Variants in RAB7B observed in about 807,000 individuals in gnomAD.
The protein encoded by RAB7B is RAB7B, member RAS oncogene family.
rs1571798799 is a variant in RAB7B at position 205,995,094 on chromosome 1, C to T, written c.-16-943G>A. 2.0e-5 allele frequency among the ~76,000 whole-genome samples: 3 copies of T among 152,184 alleles called. No homozygotes were observed. The East Asian group carries it at 5.8e-4, about 29-fold the overall frequency. On this transcript the variant is annotated intron_variant, in intron 1 of 5. Transcript: ENST00000617070. ...TGGACACAGGAAGGGGAACATCACA[C>T]ACCGGGGCCTGTCACGGGGTGGGGG...
intron 4 of RAB7B, among the ~76,000 whole-genome samples, chr1:205,988,218 A>ATGTG (rs1335243897): frequency 9.3e-5 from 13 of 140,294 alleles, no homozygotes; most frequent in African/African-American, 3.4e-4. Flanking sequence ...TGATGTATGT[A>ATGTG]TGTGTGTGTG....
chr1:205,980,915 T>G, intron 5 of RAB7B, among the ~76,000 whole-genome samples: 1 of 145,772 alleles, frequency 6.9e-6, no homozygotes, highest in Admixed American at 6.8e-5. Context: ...CTTTCTTCCT[T>G]TCTTTGACAG....
chr1:205,990,856 C>CG (rs1487604598), intron 4 of RAB7B, among the ~76,000 whole-genome samples: 2 of 144,404 alleles, frequency 1.4e-5, no homozygotes, highest in African/African-American at 5.2e-5. Context: ...GGTGCGATCG[C>CG]GGCTCACTGC....
chr1:205,993,097 A>G (rs1660752268), intron 3 of RAB7B, among the ~76,000 whole-genome samples: 1 of 152,166 alleles, frequency 6.6e-6, no homozygotes, highest in East Asian at 1.9e-4. Flanking sequence ...TAGATCAGGC[A>G]TCAGCATTTT....
intron 5 of RAB7B, among the ~76,000 whole-genome samples, chr1:205,980,642 C>T (rs1049109152): frequency 2.5e-4 from 38 of 152,338 alleles, no homozygotes; most frequent in African/African-American, 8.4e-4. Flanking sequence ...TGTAAAGCTG[C>T]TGTGATTCAC....
intron 4 of RAB7B, among the ~76,000 whole-genome samples, chr1:205,990,561 G>A (rs1421681544): frequency 1.3e-5 from 2 of 152,104 alleles, no homozygotes; most frequent in East Asian, 3.9e-4. Flanking sequence ...CAACAGGCTG[G>A]GGCTGGCTAA....
chr1:205,985,445 C>T (rs1306149746), intron 5 of RAB7B, 95 bp downstream of exon 5: 17 of 397,606 alleles, frequency 4.3e-5, no homozygotes, highest in Non-Finnish European at 7.5e-5. Flanking sequence ...CACCCACATC[C>T]CTGCCCACAC....
chr1:205,999,777 G>A, intron 1 of RAB7B, among the ~76,000 whole-genome samples: 1 of 152,132 alleles, frequency 6.6e-6, no homozygotes, highest in Non-Finnish European at 1.5e-5. Context: ...TTATTTATCT[G>A]TCTATTTAGA....
chr1:205,987,842 T>G (rs1442527707), intron 4 of RAB7B, among the ~76,000 whole-genome samples: 3 of 152,234 alleles, frequency 2.0e-5, no homozygotes, highest in Non-Finnish European at 4.4e-5. Context: ...ATGCCTGTTT[T>G]TACTGTGGTA....
intron 5 of RAB7B, among the ~76,000 whole-genome samples, chr1:205,980,879 C>A (rs1211122609): frequency 1.4e-5 from 2 of 142,994 alleles, no homozygotes; most frequent in African/African-American, 5.2e-5. Flanking sequence ...CCCCCTTCCC[C>A]TTCACCTCCT....
Position 205,977,546 on chromosome 1 carries a change from C to G in RAB7B, c.*1305G>C, listed in dbSNP as rs1267773000. ...CCTTCATGAGCATCCACTTTCTGCT[C>G]AGCCTGGAAGAGAAGGAGCACTGCT... On this transcript the variant is annotated 3_prime_UTR_variant, in exon 6 of 6. Transcript: ENST00000617070. The G allele has an allele frequency of 6.6e-6, 1 of 152,222 alleles. No homozygotes were observed. Among genetic ancestry groups the G allele is most frequent in the Admixed American group, 6.5e-5 (1 of 15,286 alleles). The allele number at this position is 152,222 out of a possible 1,614,324, so 9.4% of individuals were successfully genotyped here.
chr1:205,986,819 G>A (rs1660616512), intron 4 of RAB7B, among the ~76,000 whole-genome samples: 1 of 152,102 alleles, frequency 6.6e-6, no homozygotes, highest in Admixed American at 6.5e-5. Context: ...TCTTTCTCAT[G>A]GAGAAAGGAC....
intron 1 of RAB7B, among the ~76,000 whole-genome samples, chr1:206,001,220 A>G (rs1392324091): frequency 5.9e-5 from 9 of 151,292 alleles, no homozygotes; most frequent in Non-Finnish European, 1.0e-4. Context: ...CGCAGATCTC[A>G]TACAGTGGTT....
intron 3 of RAB7B, among the ~76,000 whole-genome samples, 174 bp from the exon 4 acceptor site, chr1:205,992,869 C>A (rs963923996): frequency 6.6e-6 from 1 of 152,230 alleles, no homozygotes; most frequent in South Asian, 2.1e-4. Context: ...ACATACACTC[C>A]AGCACCTTTG....
chr1:205,993,049 G>A (rs1442233484), intron 3 of RAB7B, among the ~76,000 whole-genome samples: 10 of 152,218 alleles, frequency 6.6e-5, no homozygotes, highest in South Asian at 2.1e-4. Flanking sequence ...GAGACTAGGC[G>A]TGGGGTCTCT....
chr1:205,980,099 G>A (rs1175292515), intron 5 of RAB7B, among the ~76,000 whole-genome samples: 1 of 152,190 alleles, frequency 6.6e-6, no homozygotes, highest in Non-Finnish European at 1.5e-5. Flanking sequence ...CCCCCAGACT[G>A]AGCAGTAATG....
At chr1:205,990,739 G>T (rs1005680890) in intron 4 of RAB7B, among the ~76,000 whole-genome samples, 8 of 151,862 alleles carry the variant, frequency 5.3e-5, no homozygotes, top group South Asian at 4.2e-4. Context: ...AGAAGAAAGG[G>T]CTTGCAACAC....
intron 1 of RAB7B, among the ~76,000 whole-genome samples, chr1:205,998,654 G>A (rs1219118310): frequency 2.6e-5 from 4 of 152,324 alleles, no homozygotes; most frequent in African/African-American, 4.8e-5. Flanking sequence ...GCTTTCACAC[G>A]CTGTCACACG....
At chr1:205,981,940 C>T (rs994190965) in intron 5 of RAB7B, among the ~76,000 whole-genome samples, 3 of 148,430 alleles carry the variant, frequency 2.0e-5, no homozygotes, top group East Asian at 2.0e-4. Context: ...CAATGTTAAC[C>T]GAACACCTAC....
Sources: allele counts gnomAD v4.1 joint callset (sites outside exome capture counted in the v4.1 genomes callset), GRCh38; gene constraint gnomAD v4.1.1; transcripts MANE v1.5; gene names NCBI Gene and HGNC (gene_info 2026-07-23, HGNC 2026-07-21).